LRFN5: variants seen among roughly 807,000 people sequenced by gnomAD.
LRFN5 encodes the protein leucine-rich repeat and fibronectin type-III domain-containing protein 5.
In LRFN5, 24 loss-of-function variants were observed where a neutral mutation model predicts 45.6. That is an observed-to-expected ratio of 0.53 (90% CI 0.38 to 0.74). The LOEUF (loss-of-function observed/expected upper bound fraction) is 0.74. Ranked by LOEUF, LRFN5 falls within the 30% of genes least tolerant of loss-of-function variation. LRFN5 has a pLI of 0.00. For missense variants in LRFN5, 776 were observed against 861.5 expected (o/e 0.90, Z 1.24); for synonymous variants, 340 against 313.8 (o/e 1.08, Z -0.88).
intron 2 of LRFN5, among the ~76,000 whole-genome samples, chr14:41,882,393 C>G (rs1366021424): frequency 2.6e-5 from 4 of 152,284 alleles, no homozygotes; most frequent in African/African-American, 9.6e-5. Context: ...TGAGCTCTCC[C>G]TCCCCTCTGT....
intron 1 of LRFN5, among the ~76,000 whole-genome samples, chr14:41,722,167 T>G (rs1007842572): frequency 1.3e-5 from 2 of 152,124 alleles, no homozygotes; most frequent in African/African-American, 4.8e-5. Flanking sequence ...TAGTAATAAG[T>G]GTTTCAATTA....
rs192826639 is a variant in LRFN5 at position 41,712,088 on chromosome 14, A to G, written c.-196-54766A>G. 6.8e-4 allele frequency among the ~76,000 whole-genome samples: 103 copies of G among 152,320 alleles called. 3 individuals carry two copies. In the East Asian group the frequency reaches 0.014, roughly 21 times the overall value. On this transcript the variant is annotated intron_variant, in intron 1 of 5. Transcript: ENST00000298119. ...CGAGAACGGAAGAAATGATACAACA[A>G]GAAGTGGAGGTAATATCGGGGAATA...
At chr14:41,691,674 A>G (rs1181746878) in intron 1 of LRFN5, among the ~76,000 whole-genome samples, 1 of 152,058 alleles carries the variant, frequency 6.6e-6, no homozygotes, top group Non-Finnish European at 1.5e-5. Flanking sequence ...TTTTTTAACA[A>G]TTGTGTACTT....
intron 2 of LRFN5, among the ~76,000 whole-genome samples, chr14:41,772,026 C>A (rs775089991): frequency 2.6e-5 from 4 of 152,162 alleles, no homozygotes; most frequent in African/African-American, 4.8e-5. Flanking sequence ...TCAGCATCTG[C>A]TTTTGGTGAG....
chr14:41,647,876 C>T (rs1386600646), intron 1 of LRFN5, among the ~76,000 whole-genome samples: 4 of 152,088 alleles, frequency 2.6e-5, no homozygotes, highest in African/African-American at 9.7e-5. Flanking sequence ...AAATTTTAAA[C>T]AACAGGAGAG....
At chr14:41,791,027 C>T (rs1886900473) in intron 2 of LRFN5, among the ~76,000 whole-genome samples, 1 of 151,728 alleles carries the variant, frequency 6.6e-6, no homozygotes, top group Admixed American at 6.6e-5. Flanking sequence ...TATTTGTCCT[C>T]ATGGTATGAC....
chr14:41,852,848 A>G (rs974317038), intron 2 of LRFN5, among the ~76,000 whole-genome samples: 5 of 151,992 alleles, frequency 3.3e-5, no homozygotes, highest in South Asian at 2.1e-4. Context: ...GACAGGTACC[A>G]TGAATCTTCT....
intron 2 of LRFN5, 86 bp downstream of exon 2, chr14:41,767,115 A>C (rs527374259): frequency 6.6e-6 from 1 of 152,666 alleles, no homozygotes; most frequent in South Asian, 2.1e-4. Context: ...TAACTTACAT[A>C]CAAATTAAAC....
chr14:41,670,567 T>C (rs117693473), intron 1 of LRFN5, among the ~76,000 whole-genome samples: 1,748 of 151,854 alleles, frequency 0.012, 13 homozygotes, highest in Middle Eastern at 0.024. Context: ...AAGCCACTTA[T>C]AACACTATTA....
At chr14:41,735,995 C>T (rs1328331226) in intron 1 of LRFN5, among the ~76,000 whole-genome samples, 1 of 152,138 alleles carries the variant, frequency 6.6e-6, no homozygotes, top group Non-Finnish European at 1.5e-5. Context: ...TTGCTTTAAC[C>T]AGTCTATCAT....
chr14:41,764,666 T>C (rs147312693), intron 1 of LRFN5, among the ~76,000 whole-genome samples: 104 of 152,172 alleles, frequency 6.8e-4, no homozygotes, highest in African/African-American at 1.9e-3. Context: ...TTCAGATTTA[T>C]TTTTTATACT....
At chr14:41,683,621 A>T (rs1209270981) in intron 1 of LRFN5, among the ~76,000 whole-genome samples, 1 of 152,186 alleles carries the variant, frequency 6.6e-6, no homozygotes, top group African/African-American at 2.4e-5. Context: ...ACAAAATCAT[A>T]TGAAAATCAG....
chr14:41,641,115 A>G (rs958204110), intron 1 of LRFN5, among the ~76,000 whole-genome samples: 1 of 152,122 alleles, frequency 6.6e-6, no homozygotes, highest in African/African-American at 2.4e-5. Context: ...GTGGGCAGAT[A>G]AACCCCTCCT....
chr14:41,866,929 T>C (rs1300554870), intron 2 of LRFN5, among the ~76,000 whole-genome samples: 3 of 152,154 alleles, frequency 2.0e-5, no homozygotes, highest in Non-Finnish European at 4.4e-5. Flanking sequence ...CTACATAATA[T>C]TGGATCATAT....
intron 1 of LRFN5, among the ~76,000 whole-genome samples, chr14:41,695,101 A>G (rs11627839): frequency 0.3 from 44,917 of 151,812 alleles, 6,766 homozygotes; most frequent in Middle Eastern, 0.38. Context: ...GCTGATATGG[A>G]GAAACTTTTA....
chr14:41,860,242 T>G (rs904598376), intron 2 of LRFN5, among the ~76,000 whole-genome samples: 1 of 152,216 alleles, frequency 6.6e-6, no homozygotes, highest in East Asian at 1.9e-4. Flanking sequence ...AATCTTTTCA[T>G]ACTTTATGCA....
At chr14:41,803,194 A>G (rs915534305) in intron 2 of LRFN5, among the ~76,000 whole-genome samples, 2 of 152,190 alleles carry the variant, frequency 1.3e-5, no homozygotes, top group African/African-American at 4.8e-5. Context: ...AACAAATAAT[A>G]TATTTCAGTA....
intron 1 of LRFN5, among the ~76,000 whole-genome samples, chr14:41,746,599 T>A (rs60081458): frequency 6.6e-6 from 1 of 151,806 alleles, no homozygotes; most frequent in Admixed American, 6.6e-5. Context: ...CTATACCTCT[T>A]TGCCAGTTAT....
At chr14:41,665,291 A>G (rs1320641197) in intron 1 of LRFN5, among the ~76,000 whole-genome samples, 1 of 152,028 alleles carries the variant, frequency 6.6e-6, no homozygotes, top group Non-Finnish European at 1.5e-5. Flanking sequence ...AAGGATAAAG[A>G]AAACAAAGAA....
Sources: allele counts gnomAD v4.1 joint callset (sites outside exome capture counted in the v4.1 genomes callset), GRCh38; gene constraint gnomAD v4.1.1; transcripts MANE v1.5; gene names NCBI Gene and HGNC (gene_info 2026-07-23, HGNC 2026-07-21).